Variants in GAK observed in about 807,000 individuals in gnomAD.
GAK encodes cyclin G associated kinase.
In GAK, 79 loss-of-function variants were observed where a neutral mutation model predicts 143.9. That is an observed-to-expected ratio of 0.55 (90% confidence interval 0.46 to 0.66). The LOEUF (loss-of-function observed/expected upper bound fraction) is 0.66. Among genes scored for constraint, GAK ranks in the 30% least tolerant of loss-of-function variants. The probability of loss-of-function intolerance (pLI) is 0.00; values close to 1 mark genes in which losing one functional copy is unlikely to be tolerated. For synonymous variants in GAK, 881 were observed against 765.5 expected, an observed-to-expected ratio of 1.15 and a Z score of -2.49; for missense variants, 1,693 against 1,779.7, an observed-to-expected ratio of 0.95 and a Z score of 0.88.
chr4:884,723 G>C (rs1371553019), intron 11 of GAK, among the ~76,000 whole-genome samples: 1 of 152,248 alleles, frequency 6.6e-6, no homozygotes, highest in African/African-American at 2.4e-5. Context: ...ACTGGCAGCA[G>C]CAGCTGTGTA....
chr4:900,254 C>T (rs1011221791), intron 5 of GAK, among the ~76,000 whole-genome samples: 1 of 152,218 alleles, frequency 6.6e-6, no homozygotes, highest in South Asian at 2.1e-4. Context: ...CGAAGCTGTG[C>T]GCACAGCAGG....
chr4:880,525 G>T (rs1714883271), intron 15 of GAK, among the ~76,000 whole-genome samples: 1 of 151,648 alleles, frequency 6.6e-6, no homozygotes, highest in Non-Finnish European at 1.5e-5. Flanking sequence ...TCCTGTGGGT[G>T]CCCACAGAGA....
At chr4:905,685 C>CGCCACACCA (rs1471121432) in intron 4 of GAK, among the ~76,000 whole-genome samples, 3 of 151,726 alleles carry the variant, frequency 2.0e-5, no homozygotes, top group Non-Finnish European at 4.4e-5. Flanking sequence ...ACATTACAGA[C>CGCCACACCA]GCCACACCAC....
chr4:861,816 T>G (rs1253623213), intron 23 of GAK, among the ~76,000 whole-genome samples: 1 of 152,182 alleles, frequency 6.6e-6, no homozygotes, highest in East Asian at 1.9e-4. Flanking sequence ...TCGGGTGATC[T>G]GGAGAGAAGG....
intron 15 of GAK, among the ~76,000 whole-genome samples, chr4:881,113 C>T (rs776708423): frequency 2.0e-5 from 3 of 152,200 alleles, no homozygotes; most frequent in Non-Finnish European, 4.4e-5. Flanking sequence ...TCCTGACCCT[C>T]GCCCCGTCCA....
chr4:883,201 C>A, intron 13 of GAK, 114 bp downstream of exon 13: 1 of 1,273,226 alleles, frequency 7.9e-7, no homozygotes, highest in Non-Finnish European at 1.1e-6. Flanking sequence ...CCTCAGGAGA[C>A]CTCCGGCCGC....
At chr4:915,817 T>C (rs542274938) in intron 1 of GAK, 2 of 152,342 alleles carry the variant, frequency 1.3e-5, no homozygotes, top group African/African-American at 2.4e-5. Flanking sequence ...GCGGGGATCC[T>C]TGTTCTCACC....
chr4:859,049 C>A (rs1749792288), intron 24 of GAK, among the ~76,000 whole-genome samples: 1 of 152,242 alleles, frequency 6.6e-6, no homozygotes, highest in Admixed American at 6.5e-5. Context: ...CACAGGGACC[C>A]CAGGGGGATG....
At chr4:919,992 G>C (rs1477505297) in intron 1 of GAK, among the ~76,000 whole-genome samples, 1 of 152,162 alleles carries the variant, frequency 6.6e-6, no homozygotes, top group African/African-American at 2.4e-5. Flanking sequence ...CTCCAACCTG[G>C]ATGACAGAGC....
chr4:888,706 C>T (rs1440267011), intron 11 of GAK, 141 bp downstream of exon 11: 31 of 958,774 alleles, frequency 3.2e-5, no homozygotes, highest in Non-Finnish European at 4.1e-5. Flanking sequence ...CTGGGAGAAG[C>T]GGGTGATGCT....
chr4:932,062 C>T lies in GAK; in HGVS notation c.126G>A (p.Val42=), dbSNP rs1055468177. The change falls in exon 1 of 28, where the codon GTG becomes GTA. Residue 42 remains valine, a synonymous_variant. Coordinates refer to ENST00000314167, the MANE Select transcript of GAK (RefSeq NM_005255.4). This position sits in a 1 kb window ranked among gnomAD's most constrained non-coding sequence, Gnocchi z 4.0. ...CCTCACCTTCGGCCAGGACCCGCCG[C>T]ACCCGCAGCCGCAGCTCGCCCAGTT... ...TVELGELRLR[V]RRVLAEGGFA... 19 of 1,600,720 alleles carry T rather than the reference C, an allele frequency of 1.2e-5. No individual in the cohort carries two copies. The highest frequency in any genetic ancestry group is 1.6e-5 in the Non-Finnish European group (19 of 1,175,048).
chr4:850,391 A>T (rs1295075312), intron 26 of GAK: 1 of 287,314 alleles, frequency 3.5e-6, no homozygotes, highest in Admixed American at 4.7e-5. Context: ...CCGAGGGAGA[A>T]GGGGATGGTC....
intron 11 of GAK, chr4:886,449 A>T (rs991074424): frequency 2.6e-5 from 4 of 152,148 alleles, no homozygotes; most frequent in African/African-American, 9.7e-5. Flanking sequence ...TCCCCCAGGG[A>T]GGACTCTGGA....
intron 26 of GAK, 21 bp from the exon 27 acceptor site, chr4:850,089 G>C: frequency 6.5e-7 from 1 of 1,544,560 alleles, no homozygotes; most frequent in South Asian, 1.2e-5. Context: ...CACGGAGCTT[G>C]CCGAGCCCTG....
chr4:867,161 C>A lies in GAK; in HGVS notation c.2667G>T (p.Glu889Asp). The change falls in exon 21 of 28, where the codon GAG becomes GAT. Residue 889 changes from glutamate to aspartate, a missense_variant. Transcript: ENST00000314167. Reference sequence around the variant, plus strand: ...GGGGTACAGCTGGCCCTGCGCCCACCTCGGAGTGCAGGCCCAGGAGGTCGA... The same window carrying A: ...GGGGTACAGCTGGCCCTGCGCCCACATCGGAGTGCAGGCCCAGGAGGTCGA... ...DGVDLLGLHS[E>D]VGAGPAVPPQ... The A allele has an allele frequency of 6.2e-7, 1 of 1,602,650 alleles. No individual in the cohort carries two copies. The highest frequency in any genetic ancestry group is 8.5e-7 in the Non-Finnish European group (1 of 1,173,016).
rs550107130 is a variant in GAK, at chr4:898,230, G to T, written c.526-72C>A. Reference sequence around the variant, plus strand: ...ATGGGACTTCAGGGAAAACGAACGGGTGTGAGACACAGCCAGGGCCCTTCG... The same window carrying T: ...ATGGGACTTCAGGGAAAACGAACGGTTGTGAGACACAGCCAGGGCCCTTCG... On this transcript the variant is annotated intron_variant, in intron 5 of 27. Coordinates refer to ENST00000314167, the MANE Select transcript of GAK (RefSeq NM_005255.4). The T allele has an allele frequency of 7.7e-6, 12 of 1,567,580 alleles. No individual in the cohort carries two copies. The Admixed American group carries it at 1.0e-4, about 13-fold the overall frequency.
chr4:905,995 C>T (rs1325734129), intron 4 of GAK, among the ~76,000 whole-genome samples: 16 of 152,258 alleles, frequency 1.1e-4, no homozygotes, highest in South Asian at 2.1e-4. Flanking sequence ...GACGCCCAAG[C>T]GTCACCGAAG....
chr4:877,846 C>A, intron 15 of GAK, 37 bp from the exon 16 acceptor site: 1 of 1,516,978 alleles, frequency 6.6e-7, no homozygotes, highest in South Asian at 1.3e-5. Flanking sequence ...CGTGACGTGC[C>A]CTGAGAGGGG....
In GAK at chr4:870,882, T is replaced by G. The variant is rs755785808; in HGVS notation, c.2077A>C (p.Ile693Leu). The change falls in exon 19 of 28, where the codon ATT becomes CTT. Residue 693 changes from isoleucine to leucine, a missense_variant. Coordinates refer to ENST00000314167, the MANE Select transcript of GAK (RefSeq NM_005255.4). Reference sequence around the variant, plus strand: ...AATAAATCCGGGTATTTTTCTTGAATGTCACACGCGTCCAGGTCATACCTG... The same window carrying G: ...AATAAATCCGGGTATTTTTCTTGAAGGTCACACGCGTCCAGGTCATACCTG... The part of the protein sequence containing the change: ...FAKYDLDACD[I>L]QEKYPDLFQV... 2.5e-5 allele frequency: 41 copies of G among 1,613,600 alleles called. No individual in the cohort carries two copies. Among genetic ancestry groups the G allele is most frequent in the Non-Finnish European group, 2.7e-5 (32 of 1,179,852 alleles).
Sources: allele counts gnomAD v4.1 joint callset (sites outside exome capture counted in the v4.1 genomes callset), GRCh38; gene constraint gnomAD v4.1.1; non-coding constraint Gnocchi (gnomAD v3.1); transcripts MANE v1.5; gene names NCBI Gene and HGNC (gene_info 2026-07-23, HGNC 2026-07-21).